SLC5A4: variants seen among roughly 807,000 people sequenced by gnomAD.
SLC5A4 encodes probable glucose sensor protein SLC5A4.
In SLC5A4, 55 loss-of-function variants were observed where a neutral mutation model predicts 70.3. That is an observed-to-expected ratio of 0.78 (90% confidence interval 0.63 to 0.98). The LOEUF is 0.98. Ranked by LOEUF, SLC5A4 falls within the 50% of genes least tolerant of loss-of-function variation. The pLI is 0.00. For missense variants in SLC5A4, 735 were observed against 839.2 expected (o/e 0.88, Z 1.53); for synonymous variants, 268 against 305.7 (o/e 0.88, Z 1.29).
At chr22:32,303,783 G>A in the SLC5A4 span, among the ~76,000 whole-genome samples, 1 of 152,170 alleles carries the variant, frequency 6.6e-6, no homozygotes, top group Non-Finnish European at 1.5e-5. Flanking sequence ...GGTTTTGTGT[G>A]GCCATAAGTT....
At chr22:32,343,343 A>G in the SLC5A4 span, among the ~76,000 whole-genome samples, 1 of 152,218 alleles carries the variant, frequency 6.6e-6, no homozygotes, top group Non-Finnish European at 1.5e-5. Flanking sequence ...ATCAGCTGAC[A>G]TATCTCCTTG....
the SLC5A4 span, among the ~76,000 whole-genome samples, chr22:32,310,084 G>C: frequency 7.1e-6 from 1 of 140,898 alleles, no homozygotes; most frequent in Non-Finnish European, 1.6e-5. Flanking sequence ...CGGGGGATGG[G>C]GGGGGTGGCA....
the SLC5A4 span, among the ~76,000 whole-genome samples, chr22:32,291,536 G>C: frequency 6.6e-6 from 1 of 152,156 alleles, no homozygotes; most frequent in Non-Finnish European, 1.5e-5. Flanking sequence ...AGTCAAACTT[G>C]TGTATCAACT....
At chr22:32,292,320 A>C in the SLC5A4 span, among the ~76,000 whole-genome samples, 1 of 142,028 alleles carries the variant, frequency 7.0e-6, no homozygotes, top group South Asian at 2.2e-4. Context: ...TATTTTTCTA[A>C]TATATATGGT....
At chr22:32,313,074 G>C in the SLC5A4 span, among the ~76,000 whole-genome samples, 1 of 152,162 alleles carries the variant, frequency 6.6e-6, no homozygotes, top group Non-Finnish European at 1.5e-5. Context: ...CATAGACTAG[G>C]ACTGGAATAG....
the SLC5A4 span, among the ~76,000 whole-genome samples, chr22:32,317,283 T>C: frequency 6.6e-6 from 1 of 152,040 alleles, no homozygotes; most frequent in Admixed American, 6.6e-5. Context: ...GGAACATATA[T>C]AGCCTTAAAA....
the SLC5A4 span, chr22:32,273,002 C>T: frequency 1.8e-6 from 1 of 541,610 alleles, no homozygotes; most frequent in Non-Finnish European, 3.7e-6. Flanking sequence ...CAACCGCTAC[C>T]TGTACCTGAG....
the SLC5A4 span, among the ~76,000 whole-genome samples, chr22:32,349,658 G>A: frequency 2.0e-5 from 3 of 152,172 alleles, no homozygotes; most frequent in Admixed American, 6.5e-5. Flanking sequence ...AGGCATTAGA[G>A]CTTCTATTTT....
the SLC5A4 span, among the ~76,000 whole-genome samples, chr22:32,316,460 T>C: frequency 0.057 from 8,663 of 152,076 alleles, 333 homozygotes; most frequent in South Asian, 0.086. Context: ...CCAAATAGCA[T>C]AGCCTCAATA....
intron 5 of SLC5A4, among the ~76,000 whole-genome samples, 156 bp from the exon 6 acceptor site, chr22:32,239,246 T>C (rs1163527697): frequency 1.3e-5 from 2 of 151,750 alleles, no homozygotes; most frequent in East Asian, 3.9e-4. Flanking sequence ...ATACCTTCCA[T>C]AAAGCCTCAA....
At chr22:32,329,268 C>T in the SLC5A4 span, among the ~76,000 whole-genome samples, 2 of 152,172 alleles carry the variant, frequency 1.3e-5, no homozygotes, top group Non-Finnish European at 2.9e-5. Context: ...TCGAAGTCAC[C>T]ATCTCCACCC....
chr22:32,348,165 C>T, the SLC5A4 span, among the ~76,000 whole-genome samples: 5 of 152,264 alleles, frequency 3.3e-5, no homozygotes, highest in East Asian at 1.9e-4. Flanking sequence ...GGAGGTGTCC[C>T]GTTTTTTCCA....
the SLC5A4 span, among the ~76,000 whole-genome samples, chr22:32,305,994 C>T: frequency 6.6e-6 from 1 of 152,118 alleles, no homozygotes; most frequent in Non-Finnish European, 1.5e-5. Context: ...CCCAGTTCCC[C>T]CTAACACCAC....
intron 4 of SLC5A4, among the ~76,000 whole-genome samples, chr22:32,248,269 C>G (rs1473636826): frequency 6.6e-6 from 1 of 152,192 alleles, no homozygotes; most frequent in Non-Finnish European, 1.5e-5. Flanking sequence ...GAACTGATGT[C>G]TGTGGTTTAT....
chr22:32,319,064 A>G, the SLC5A4 span, among the ~76,000 whole-genome samples: 3 of 152,324 alleles, frequency 2.0e-5, no homozygotes, highest in South Asian at 6.2e-4. Flanking sequence ...CCAACAAGTA[A>G]GGGGGAATTC....
the SLC5A4 span, among the ~76,000 whole-genome samples, chr22:32,282,886 T>C: frequency 6.6e-6 from 1 of 152,170 alleles, no homozygotes; most frequent in African/African-American, 2.4e-5. Context: ...ATGGCTTCTC[T>C]CCACCCGGCC....
At chr22:32,270,653 A>G in the SLC5A4 span, 1 of 724,074 alleles carries the variant, frequency 1.4e-6, no homozygotes, top group Admixed American at 1.9e-5. Context: ...GACAACCACT[A>G]CATTGTCCAA....
At chr22:32,242,754 C>T (rs535601792) in intron 5 of SLC5A4, among the ~76,000 whole-genome samples, 1 of 152,012 alleles carries the variant, frequency 6.6e-6, no homozygotes, top group Admixed American at 6.5e-5. Context: ...TATTGGTAAA[C>T]CAATGATAAA....
chr22:32,345,488 A>C, the SLC5A4 span, among the ~76,000 whole-genome samples: 3 of 152,210 alleles, frequency 2.0e-5, no homozygotes, highest in Non-Finnish European at 4.4e-5. Context: ...AAAAACAATA[A>C]TTTGAGTCTT....
Sources: allele counts gnomAD v4.1 joint callset (sites outside exome capture counted in the v4.1 genomes callset), GRCh38; gene constraint gnomAD v4.1.1; transcripts MANE v1.5; gene names NCBI Gene and HGNC (gene_info 2026-07-23, HGNC 2026-07-21).